ALG14: variants seen among roughly 807,000 people sequenced by gnomAD.
ALG14 encodes the protein ALG14 UDP-N-acetylglucosaminyltransferase subunit, also known as UDP-N-acetylglucosamine transferase subunit ALG14.
In ALG14, 17 loss-of-function variants were observed where a neutral mutation model predicts 22.8. The ratio of observed to expected loss-of-function variants is 0.75; its 90% confidence interval spans 0.51 to 1.12. ALG14 has a LOEUF of 1.12. Ranked by LOEUF, ALG14 falls within the 50% of genes most tolerant of loss-of-function variation. ALG14 has a pLI of 0.00. For missense variants in ALG14, 288 were observed against 271.8 expected (o/e 1.06, Z -0.42); for synonymous variants, 89 against 103.7 (o/e 0.86, Z 0.86).
chr1:95,007,921 G>C (rs911659433), intron 3 of ALG14, among the ~76,000 whole-genome samples: 1 of 152,206 alleles, frequency 6.6e-6, no homozygotes, highest in Non-Finnish European at 1.5e-5. Context: ...AACTAAATGA[G>C]AGCAGGCATA....
At chr1:94,986,084 A>T (rs545376886) in intron 3 of ALG14, among the ~76,000 whole-genome samples, 1 of 152,368 alleles carries the variant, frequency 6.6e-6, no homozygotes, top group South Asian at 2.1e-4. Flanking sequence ...ACTCACTGAG[A>T]CAGTCTAAGT....
chr1:95,002,022 TATG>T (rs2100736566), intron 3 of ALG14, among the ~76,000 whole-genome samples: 1 of 152,364 alleles, frequency 6.6e-6, no homozygotes, highest in Admixed American at 6.5e-5. Flanking sequence ...GTGCTTCTCA[TATG>T]ATGTTCTATT....
chr1:95,015,292 A>G (rs1439124945), intron 3 of ALG14, among the ~76,000 whole-genome samples: 1 of 152,152 alleles, frequency 6.6e-6, no homozygotes, highest in African/African-American at 2.4e-5. Context: ...GTTCCTTACT[A>G]TTCAGTTATT....
chr1:94,996,576 G>A (rs1672914282), intron 3 of ALG14, among the ~76,000 whole-genome samples: 1 of 152,242 alleles, frequency 6.6e-6, no homozygotes, highest in Non-Finnish European at 1.5e-5. Flanking sequence ...CCTTCCATGT[G>A]ATGGTTAGGT....
rs967917186 is a variant in ALG14 at position 94,976,805 on chromosome 1, C to T, written c.*6271G>A. ...CTGTGAATATCATGACATGTCATTC[C>T]TCTGATTATGTTACATTAACATGGC... On this transcript the variant is annotated 3_prime_UTR_variant, in exon 4 of 4. Coordinates refer to ENST00000370205, the MANE Select transcript of ALG14 (RefSeq NM_144988.4). 3 of 152,098 alleles carry T rather than the reference C, an allele frequency of 2.0e-5. No individual in the cohort carries two copies. Among genetic ancestry groups the T allele is most frequent in the African/African-American group, 7.2e-5 (3 of 41,404 alleles). 9.4% of individuals were successfully genotyped at this position (152,098 alleles called of 1,614,324 possible).
chr1:95,061,902 G>A (rs185546100), intron 2 of ALG14: 5 of 152,250 alleles, frequency 3.3e-5, no homozygotes, highest in African/African-American at 7.2e-5. Context: ...TTCCCAGAGA[G>A]AGGGATGGAT....
intron 1 of ALG14, among the ~76,000 whole-genome samples, chr1:95,065,288 G>C (rs527743976): frequency 1.3e-5 from 2 of 152,094 alleles, no homozygotes; most frequent in Non-Finnish European, 2.9e-5. Flanking sequence ...ATAAGACATA[G>C]CTCTTGCTAT....
At chr1:94,990,621 C>T (rs569506013) in intron 3 of ALG14, among the ~76,000 whole-genome samples, 2 of 152,314 alleles carry the variant, frequency 1.3e-5, no homozygotes, top group South Asian at 2.1e-4. Flanking sequence ...TGTGCCACTG[C>T]GTGAACGTAC....
chr1:95,038,162 G>A (rs1303995975), intron 2 of ALG14, among the ~76,000 whole-genome samples: 1 of 152,144 alleles, frequency 6.6e-6, no homozygotes, highest in Non-Finnish European at 1.5e-5. Flanking sequence ...GGCCAACATG[G>A]TGAAACCCTG....
At chr1:94,994,006 C>T (rs567484444) in intron 3 of ALG14, among the ~76,000 whole-genome samples, 2 of 152,314 alleles carry the variant, frequency 1.3e-5, no homozygotes, top group African/African-American at 2.4e-5. Context: ...GTTGGTATTT[C>T]ATTTTCTTGC....
chr1:95,053,861 T>C (rs1242685158), intron 2 of ALG14, among the ~76,000 whole-genome samples: 1 of 152,214 alleles, frequency 6.6e-6, no homozygotes, highest in African/African-American at 2.4e-5. Context: ...TAATTTCTTT[T>C]TAAGCACAGA....
intron 3 of ALG14, among the ~76,000 whole-genome samples, chr1:95,009,688 T>C (rs182471738): frequency 2.0e-5 from 3 of 152,204 alleles, no homozygotes; most frequent in East Asian, 1.9e-4. Flanking sequence ...CTATCACAGG[T>C]TGGAGGAGAC....
At chr1:95,070,589 G>T (rs1216811453) in intron 1 of ALG14, among the ~76,000 whole-genome samples, 2 of 152,172 alleles carry the variant, frequency 1.3e-5, no homozygotes, top group East Asian at 1.9e-4. Flanking sequence ...GTATAGGTTT[G>T]CTCCCCAGAC....
chr1:95,042,925 T>C (rs889492093), intron 2 of ALG14, among the ~76,000 whole-genome samples: 3 of 152,232 alleles, frequency 2.0e-5, no homozygotes, highest in African/African-American at 4.8e-5. Flanking sequence ...TGTCTAATTT[T>C]CTTGCCTTTC....
At chr1:95,064,503 T>C (rs958719392) in intron 2 of ALG14, among the ~76,000 whole-genome samples, 4 of 152,228 alleles carry the variant, frequency 2.6e-5, no homozygotes, top group East Asian at 1.9e-4. Context: ...GATGTTGAAT[T>C]TTATCAAAGG....
chr1:94,995,011 T>G (rs1470643865), intron 3 of ALG14, among the ~76,000 whole-genome samples: 1 of 152,230 alleles, frequency 6.6e-6, no homozygotes, highest in Non-Finnish European at 1.5e-5. Flanking sequence ...ATATAACTCC[T>G]GACTTCAATC....
At chr1:94,997,079 A>G (rs1672927810) in intron 3 of ALG14, among the ~76,000 whole-genome samples, 1 of 152,242 alleles carries the variant, frequency 6.6e-6, no homozygotes, top group South Asian at 2.1e-4. Flanking sequence ...AGACATTAAT[A>G]GGGAGGTGGC....
intron 2 of ALG14, among the ~76,000 whole-genome samples, chr1:95,031,040 C>G (rs184057478): frequency 6.6e-6 from 1 of 152,254 alleles, no homozygotes; most frequent in African/African-American, 2.4e-5. Flanking sequence ...AGAAGTTTAG[C>G]TGGGAGGGGA....
intron 2 of ALG14, among the ~76,000 whole-genome samples, chr1:95,036,088 T>C (rs756336724): frequency 4.6e-5 from 7 of 152,182 alleles, no homozygotes; most frequent in Non-Finnish European, 7.3e-5. Context: ...AGATACTTTA[T>C]GGTGCTGATG....
Sources: gnomAD v4.1 joint callset for allele counts (sites outside exome capture counted in the v4.1 genomes callset) on GRCh38, gnomAD v4.1.1 for gene constraint, MANE v1.5 for transcripts, NCBI Gene and HGNC (gene_info 2026-07-23, HGNC 2026-07-21) for gene names.